Variants in TBC1D22A observed in about 807,000 individuals in gnomAD.
TBC1D22A encodes the protein putative GTPase activator.
TBC1D22A carries 38 observed loss-of-function variants against 60.2 expected under a neutral mutation model. The ratio of observed to expected loss-of-function variants is 0.63; its 90% confidence interval spans 0.49 to 0.83. TBC1D22A has a LOEUF of 0.83. Ranked by LOEUF, TBC1D22A falls within the 40% of genes least tolerant of loss-of-function variation. The pLI, the probability that TBC1D22A is intolerant of heterozygous loss-of-function variation, is 0.00. For synonymous variants in TBC1D22A, 302 were observed against 281.7 expected, an observed-to-expected ratio of 1.07 and a Z score of -0.72; for missense variants, 628 against 701.0, an observed-to-expected ratio of 0.90 and a Z score of 1.18.
chr22:46,846,958 C>T (rs1877086054), intron 4 of TBC1D22A, among the ~76,000 whole-genome samples: 1 of 152,214 alleles, frequency 6.6e-6, no homozygotes, highest in Non-Finnish European at 1.5e-5. Flanking sequence ...GTGCTGGTGC[C>T]GTCGAGAGAC....
At chr22:46,771,181 T>C in intron 1 of TBC1D22A, among the ~76,000 whole-genome samples, 1 of 152,104 alleles carries the variant, frequency 6.6e-6, no homozygotes, top group East Asian at 1.9e-4. Context: ...CCCTGACAAT[T>C]TTGGATTATT....
chr22:47,148,876 C>T (rs933426567), intron 12 of TBC1D22A, among the ~76,000 whole-genome samples: 22 of 152,192 alleles, frequency 1.4e-4, no homozygotes, highest in Non-Finnish European at 2.9e-5. Context: ...GCCTTGCCAC[C>T]TCCTGGCTGT....
chr22:46,972,408 C>T (rs1300146854), intron 8 of TBC1D22A, among the ~76,000 whole-genome samples: 3 of 152,168 alleles, frequency 2.0e-5, no homozygotes, highest in Non-Finnish European at 4.4e-5. Context: ...GTCTACCAGC[C>T]GAGGCATGCA....
chr22:47,047,334 A>G (rs2063064664), intron 11 of TBC1D22A, among the ~76,000 whole-genome samples: 1 of 152,238 alleles, frequency 6.6e-6, no homozygotes, highest in Non-Finnish European at 1.5e-5. Context: ...CATTTTTAGG[A>G]AAATTATTGA....
chr22:47,171,294 C>G (rs569059566), intron 12 of TBC1D22A, among the ~76,000 whole-genome samples: 3 of 152,340 alleles, frequency 2.0e-5, no homozygotes, highest in Non-Finnish European at 4.4e-5. Flanking sequence ...CTGTGGCCCT[C>G]CCTGTCCCTT....
chr22:47,135,240 G>T (rs544781962), intron 12 of TBC1D22A, among the ~76,000 whole-genome samples: 1 of 152,194 alleles, frequency 6.6e-6, no homozygotes, highest in African/African-American at 2.4e-5. Context: ...GCTGCTTCCC[G>T]TCATCCCAGT....
At chr22:47,159,414 A>G (rs2067873641) in intron 12 of TBC1D22A, among the ~76,000 whole-genome samples, 1 of 150,888 alleles carries the variant, frequency 6.6e-6, no homozygotes, top group South Asian at 2.1e-4. Context: ...CACCATGTAT[A>G]CACACAGACA....
intron 10 of TBC1D22A, among the ~76,000 whole-genome samples, chr22:47,024,103 C>T (rs1489551722): frequency 6.6e-6 from 1 of 152,120 alleles, no homozygotes; most frequent in Non-Finnish European, 1.5e-5. Flanking sequence ...GTGGTAAGGC[C>T]CTCACGCTGT....
intron 10 of TBC1D22A, among the ~76,000 whole-genome samples, chr22:46,999,801 G>A (rs1159225099): frequency 1.3e-5 from 2 of 152,198 alleles, no homozygotes; most frequent in African/African-American, 4.8e-5. Context: ...CGAGGCAGGC[G>A]GATCACGAGG....
intron 4 of TBC1D22A, among the ~76,000 whole-genome samples, chr22:46,836,494 A>G (rs1442026226): frequency 6.6e-6 from 1 of 152,150 alleles, no homozygotes; most frequent in East Asian, 1.9e-4. Flanking sequence ...GGAAAATATA[A>G]AGAGAAAAGA....
intron 8 of TBC1D22A, among the ~76,000 whole-genome samples, chr22:46,919,987 T>C (rs1182871039): frequency 6.6e-6 from 1 of 152,172 alleles, no homozygotes; most frequent in East Asian, 1.9e-4. Context: ...TTTAACCCCC[T>C]TAAAATGGAT....
At chr22:47,146,650 T>A (rs1406764190) in intron 12 of TBC1D22A, among the ~76,000 whole-genome samples, 1 of 152,184 alleles carries the variant, frequency 6.6e-6, no homozygotes, top group Non-Finnish European at 1.5e-5. Flanking sequence ...TAGACTGTGT[T>A]ACAGGACAGG....
chr22:47,042,060 C>T (rs928706475), intron 11 of TBC1D22A, among the ~76,000 whole-genome samples: 1 of 152,266 alleles, frequency 6.6e-6, no homozygotes, highest in Non-Finnish European at 1.5e-5. Context: ...TGTTGCCAGG[C>T]AGTCATTGTT....
chr22:47,152,805 G>A (rs113219536), intron 12 of TBC1D22A, among the ~76,000 whole-genome samples: 213 of 152,326 alleles, frequency 1.4e-3, no homozygotes, highest in Admixed American at 3.1e-3. Flanking sequence ...GAGGAGGGAC[G>A]GGGTCCAGAT....
chr22:46,775,912 A>G (rs1432714001), intron 1 of TBC1D22A, among the ~76,000 whole-genome samples: 1 of 152,248 alleles, frequency 6.6e-6, no homozygotes, highest in Non-Finnish European at 1.5e-5. Context: ...AGTGAGGAAG[A>G]GAATTAAATG....
intron 12 of TBC1D22A, among the ~76,000 whole-genome samples, chr22:47,154,729 G>T (rs2067644501): frequency 6.6e-6 from 1 of 152,226 alleles, no homozygotes; most frequent in African/African-American, 2.4e-5. Flanking sequence ...TGGGACATGT[G>T]CCCAAGGTCC....
At chr22:46,995,564 G>GT (rs1386123603) in intron 9 of TBC1D22A, among the ~76,000 whole-genome samples, 1 of 152,164 alleles carries the variant, frequency 6.6e-6, no homozygotes, top group Admixed American at 6.5e-5. Flanking sequence ...CTGGCTGCGT[G>GT]TGTTCACATT....
chr22:46,963,745 G>C (rs544666044), intron 8 of TBC1D22A, among the ~76,000 whole-genome samples: 4 of 152,194 alleles, frequency 2.6e-5, no homozygotes, highest in Non-Finnish European at 5.9e-5. Context: ...TTCTGGGGCC[G>C]TGCACCTCCC....
intron 8 of TBC1D22A, among the ~76,000 whole-genome samples, chr22:46,921,535 G>A (rs1569225104): frequency 6.6e-6 from 1 of 152,166 alleles, no homozygotes; most frequent in African/African-American, 2.4e-5. Context: ...ATTGTAAATA[G>A]TGCTATGATG....
Sources: gnomAD v4.1 joint callset for allele counts (sites outside exome capture counted in the v4.1 genomes callset) on GRCh38, gnomAD v4.1.1 for gene constraint, MANE v1.5 for transcripts, NCBI Gene and HGNC (gene_info 2026-07-23, HGNC 2026-07-21) for gene names.